Variants in IRS1 observed in about 807,000 individuals in gnomAD.
IRS1 encodes the protein insulin receptor substrate 1.
In IRS1, 34 loss-of-function variants were observed where a neutral mutation model predicts 65.6. The ratio of observed to expected loss-of-function variants is 0.52; its 90% CI spans 0.39 to 0.69. The LOEUF (loss-of-function observed/expected upper bound fraction) is 0.69, where lower values mean the gene tolerates loss of function less well. Ranked by LOEUF, IRS1 falls within the 30% of genes least tolerant of loss-of-function variation. The pLI is 0.00. For synonymous variants in IRS1, 699 were observed against 683.5 expected (o/e 1.02, Z -0.35); for missense variants, 1,641 against 1,720.2 (o/e 0.95, Z 0.81).
Position 226,795,131 on chromosome 2 carries a change from G to A in IRS1, c.3608C>T (p.Pro1203Leu), listed in dbSNP as rs753270746. The A allele has an allele frequency of 6.3e-7, 1 of 1,592,584 alleles. No individual in the cohort carries two copies. Among genetic ancestry groups the A allele is most frequent in the Non-Finnish European group, 8.6e-7 (1 of 1,162,660 alleles). ...CAGGGGTTGATGAGGGGGTGGGGGT[G>A]GGGGAGGCTGCGGTTCAGGGGTGCA... ...QECTPEPQPPPPPPPHQPLGS... is the reference protein window; with the variant it reads ...QECTPEPQPPLPPPPHQPLGS... Residue 1203 changes from proline to leucine, a missense_variant, in exon 1 of 2, where the codon CCA becomes CTA. Transcript: ENST00000305123.
intron 1 of IRS1, among the ~76,000 whole-genome samples, chr2:226,752,365 A>G (rs1470430013): frequency 6.6e-6 from 1 of 152,224 alleles, no homozygotes; most frequent in Admixed American, 6.5e-5. Flanking sequence ...GAAGGCAAAC[A>G]GGCCCTGAAT....
chr2:226,794,325 G>T lies in IRS1; in HGVS notation c.*21+664C>A, dbSNP rs1051618790. Among the ~76,000 whole-genome samples the T allele has an allele frequency of 3.3e-5, 5 of 152,160 alleles. No individual in the cohort carries two copies. The highest frequency in any genetic ancestry group is 7.3e-5 in the Non-Finnish European group (5 of 68,032). On this transcript the variant is annotated intron_variant, in intron 1 of 1. Transcript: ENST00000305123. This position sits in a 1 kb window ranked among gnomAD's most constrained non-coding sequence, Gnocchi z 4.1. ...TAATATTTCACAAATCCTGGTACATGAACAAAAGGAGAACGTCACCCATAA... is the reference window on the plus strand; with the variant it reads ...TAATATTTCACAAATCCTGGTACATTAACAAAAGGAGAACGTCACCCATAA...
chr2:226,798,499 G>T lies in IRS1; in HGVS notation c.240C>A (p.Asn80Lys). The T allele has an allele frequency of 6.2e-7, 1 of 1,614,126 alleles. No individual in the cohort carries two copies. The highest frequency in any genetic ancestry group is 8.5e-7 in the Non-Finnish European group (1 of 1,180,026). Residue 80 changes from asparagine (N) to lysine (K), a missense_variant, in exon 1 of 2, where the codon AAC becomes AAA. Coordinates refer to ENST00000305123, the MANE Select transcript of IRS1 (RefSeq NM_005544.3). This position sits in a 1 kb window ranked among gnomAD's most constrained non-coding sequence, Gnocchi z 9.4. ...FNINKRADSK[N>K]KHLVALYTRD... is the part of the protein sequence containing the mutation. ...GGGTGTAGAGAGCCACCAGGTGCTT[G>T]TTCTTGGAGTCAGCCCGCTTGTTGA...
intron 1 of IRS1, among the ~76,000 whole-genome samples, chr2:226,788,067 T>G (rs1373193238): frequency 6.6e-6 from 1 of 152,040 alleles, no homozygotes; most frequent in Non-Finnish European, 1.5e-5. Context: ...TGAGAAAACT[T>G]CTCAAGATTA....
intron 1 of IRS1, among the ~76,000 whole-genome samples, chr2:226,740,743 A>G (rs1938419856): frequency 1.3e-5 from 2 of 152,204 alleles, no homozygotes; most frequent in Non-Finnish European, 2.9e-5. Context: ...TACTTTTACT[A>G]GGGAAATAAG....
Position 226,798,271 on chromosome 2 carries a change from TG to T in IRS1, c.467del (p.Pro156GlnfsTer11). 1 of 1,613,192 alleles carries T rather than the reference TG, an allele frequency of 6.2e-7. No individual in the cohort carries two copies. The highest frequency in any genetic ancestry group is 2.2e-5 in the East Asian group (1 of 44,872). ...GCCAGACCTCTTTGAATGCGGGTCC[TG>T]GGGGCACGTCACCGTAGCTCAAGTC... The part of the protein sequence containing the change: ...GEDLSYGDVP[P>X]GPAFKEVWQV... On this transcript the variant is annotated frameshift_variant, in exon 1 of 2. Coordinates refer to ENST00000305123, the MANE Select transcript of IRS1 (RefSeq NM_005544.3). LOFTEE classifies it high-confidence loss of function. This position sits in a 1 kb window ranked among gnomAD's most constrained non-coding sequence, Gnocchi z 9.4.
chr2:226,779,672 C>CTGCT (rs763305958), intron 1 of IRS1, among the ~76,000 whole-genome samples: 89 of 152,348 alleles, frequency 5.8e-4, no homozygotes, highest in Non-Finnish European at 4.0e-4. Context: ...GACAAATGTT[C>CTGCT]TGCTGTAAGT....
rs190524120 is a variant in IRS1 at position 226,799,387 on chromosome 2, T to C, written c.-649A>G. 159 of 1,262,518 alleles carry C rather than the reference T, an allele frequency of 1.3e-4. No individual in the cohort carries two copies. The African/African-American group carries it at 2.0e-3, about 16-fold the overall frequency. The allele number at this position is 1,262,518 out of a possible 1,614,324, so 78.2% of individuals were successfully genotyped here. Reference sequence around the variant, plus strand: ...CTGTTGCTGCTGCTGCTGCTGCTGCTGCTGCCGCCGCCCGCGGGCGCGTCC... The same window carrying C: ...CTGTTGCTGCTGCTGCTGCTGCTGCCGCTGCCGCCGCCCGCGGGCGCGTCC... On this transcript the variant is annotated 5_prime_UTR_variant, in exon 1 of 2. Coordinates refer to ENST00000305123, the MANE Select transcript of IRS1 (RefSeq NM_005544.3). This position sits in a 1 kb window ranked among gnomAD's most constrained non-coding sequence, Gnocchi z 6.1.
chr2:226,753,952 A>C (rs1213387620), intron 1 of IRS1, among the ~76,000 whole-genome samples: 1 of 152,124 alleles, frequency 6.6e-6, no homozygotes, highest in East Asian at 1.9e-4. Flanking sequence ...TCCCGGGCTC[A>C]AACAATCCTC....
rs1156735341 is a variant in IRS1 at position 226,799,791 on chromosome 2, G to A, written c.-1053C>T. On this transcript the variant is annotated 5_prime_UTR_variant, in exon 1 of 2. Coordinates refer to ENST00000305123, the MANE Select transcript of IRS1 (RefSeq NM_005544.3). The surrounding 1 kb of genome is among the most constrained non-coding windows in gnomAD (Gnocchi z 6.1). ...TCGGAGGAGAAAAACACGTGACGGA[G>A]CCTCCGCGCTCGGCAGCCGGGCAGC... is the stretch of plus-strand genomic sequence containing the variant. 3.8e-5 allele frequency: 38 copies of A among 992,264 alleles called. No homozygotes were observed. Among genetic ancestry groups the A allele is most frequent in the Non-Finnish European group, 4.3e-5 (36 of 829,860 alleles). The allele number at this position is 992,264 out of a possible 1,614,324, so 61.5% of individuals were successfully genotyped here.
chr2:226,775,099 C>G (rs536685948), intron 1 of IRS1, among the ~76,000 whole-genome samples: 1 of 152,068 alleles, frequency 6.6e-6, no homozygotes, highest in African/African-American at 2.4e-5. Context: ...TAAAAAAATA[C>G]ACCTAGGAAG....
In IRS1 at chr2:226,795,890, C is replaced by T. The variant is rs141295519; in HGVS notation, c.2849G>A (p.Arg950Gln). 3.2e-5 allele frequency: 51 copies of T among 1,613,692 alleles called. No homozygotes were observed. Among genetic ancestry groups the T allele is most frequent in the Admixed American group, 2.3e-4 (14 of 60,012 alleles). ...AGTGCTCTCCTGCCAGGCTGCCCTC[C>T]GGCCCGGCCCCAGGTCCATCTTCAT... ...EYMKMDLGPGRRAAWQESTGV... is the reference protein window; with the variant it reads ...EYMKMDLGPGQRAAWQESTGV... Residue 950 changes from arginine (R) to glutamine (Q), a missense_variant, in exon 1 of 2, where the codon CGG becomes CAG. Around this residue, in one of 3 missense-constraint regions of IRS1, gnomAD observed 1,324 missense variants for 1,361.0 expected, o/e 0.97. Coordinates refer to ENST00000305123, the MANE Select transcript of IRS1 (RefSeq NM_005544.3).
chr2:226,766,574 C>T (rs569632641), intron 1 of IRS1, among the ~76,000 whole-genome samples: 1 of 152,184 alleles, frequency 6.6e-6, no homozygotes, highest in South Asian at 2.1e-4. Context: ...TCATTGACTG[C>T]TTGTGAAACC....
intron 1 of IRS1, among the ~76,000 whole-genome samples, chr2:226,759,017 T>C (rs2106165996): frequency 6.6e-6 from 1 of 152,354 alleles, no homozygotes; most frequent in East Asian, 1.9e-4. Context: ...TCACTTCTAT[T>C]TGTGTCCAGA....
chr2:226,744,143 G>GC (rs1343455202), intron 1 of IRS1, among the ~76,000 whole-genome samples: 9 of 152,184 alleles, frequency 5.9e-5, no homozygotes, highest in Non-Finnish European at 1.2e-4. Context: ...ACTGAGGTAA[G>GC]AATCATTAAC....
At position 226,794,916 on chromosome 2, in the gene IRS1, G is replaced by T; in HGVS notation, c.*21+73C>A. 7.6e-7 allele frequency: 1 copy of T among 1,315,060 alleles called. No individual in the cohort carries two copies. 81.5% of individuals were successfully genotyped at this position (1,315,060 alleles called of 1,614,324 possible). Reference sequence around the variant, plus strand: ...CAGTGGGAAAGAACAGGAAGGGGCAGAGGCGAAGAACAGAATTCAAGGACA... The same window carrying T: ...CAGTGGGAAAGAACAGGAAGGGGCATAGGCGAAGAACAGAATTCAAGGACA... On this transcript the variant is annotated intron_variant, in intron 1 of 1. Coordinates refer to ENST00000305123, the MANE Select transcript of IRS1 (RefSeq NM_005544.3). This position sits in a 1 kb window ranked among gnomAD's most constrained non-coding sequence, Gnocchi z 4.1.
At chr2:226,763,590 T>C (rs936073127) in intron 1 of IRS1, among the ~76,000 whole-genome samples, 13 of 152,214 alleles carry the variant, frequency 8.5e-5, no homozygotes, top group Admixed American at 3.3e-4. Flanking sequence ...AGTTCTCTCC[T>C]TGACTAGCTA....
chr2:226,741,828 T>C (rs62190991), intron 1 of IRS1, among the ~76,000 whole-genome samples: 2,314 of 60,266 alleles, frequency 0.038, 44 homozygotes, highest in African/African-American at 0.11. Flanking sequence ...CACACACACA[T>C]AACACACACA....
Position 226,794,273 on chromosome 2 carries a change from C to T in IRS1, c.*21+716G>A, listed in dbSNP as rs1477656014. ...ATATCCTGTACAAGAGAGGCCAGGC[C>T]CGTGGGATGGTGGGTCGGTGTGTGA... On this transcript the variant is annotated intron_variant, in intron 1 of 1. Coordinates refer to ENST00000305123, the MANE Select transcript of IRS1 (RefSeq NM_005544.3). This position sits in a 1 kb window ranked among gnomAD's most constrained non-coding sequence, Gnocchi z 4.1. Among the ~76,000 whole-genome samples the T allele has an allele frequency of 6.6e-6, 1 of 152,090 alleles. No homozygotes were observed. Among genetic ancestry groups the T allele is most frequent in the East Asian group, 1.9e-4 (1 of 5,200 alleles).
Sources: gnomAD v4.1 joint callset for allele counts (sites outside exome capture counted in the v4.1 genomes callset) on GRCh38, gnomAD v4.1.1 for gene constraint, gnomAD v4.1.1 regional missense constraint, Gnocchi (gnomAD v3.1) non-coding constraint, MANE v1.5 for transcripts, NCBI Gene and HGNC (gene_info 2026-07-23, HGNC 2026-07-21) for gene names.